PTPRD: variants seen among roughly 807,000 people sequenced by gnomAD.
PTPRD encodes protein tyrosine phosphatase receptor type D.
In PTPRD, 34 loss-of-function variants were observed where a neutral mutation model predicts 214.5. That is an observed-to-expected ratio of 0.16 (90% CI 0.12 to 0.21). PTPRD has a LOEUF of 0.21. Ranked by LOEUF, PTPRD falls within the 10% of genes least tolerant of loss-of-function variation. The pLI, the probability that PTPRD is intolerant of heterozygous loss-of-function variation, is 1.00. For synonymous variants in PTPRD, 1,128 were observed against 845.7 expected (o/e 1.33, Z -5.79); for missense variants, 2,545 against 2,398.7 (o/e 1.06, Z -1.27).
At chr9:10,269,205 A>G (rs1330297677) in intron 3 of PTPRD, among the ~76,000 whole-genome samples, 1 of 152,242 alleles carries the variant, frequency 6.6e-6, no homozygotes, top group African/African-American at 2.4e-5. Flanking sequence ...GTTTAAAATA[A>G]CAACTCTTGT....
chr9:8,641,231 A>T (rs1200360479), intron 12 of PTPRD, among the ~76,000 whole-genome samples: 1 of 148,500 alleles, frequency 6.7e-6, no homozygotes, highest in Non-Finnish European at 1.5e-5. Flanking sequence ...ACAACATAGG[A>T]CAGACTAAGA....
intron 9 of PTPRD, among the ~76,000 whole-genome samples, chr9:9,232,117 T>C (rs1415717314): frequency 6.6e-6 from 1 of 152,180 alleles, no homozygotes; most frequent in Non-Finnish European, 1.5e-5. Flanking sequence ...CTGTGTAGAA[T>C]AAATAAGTTG....
At chr9:8,718,217 C>G (rs1012188477) in intron 12 of PTPRD, among the ~76,000 whole-genome samples, 4 of 152,168 alleles carry the variant, frequency 2.6e-5, no homozygotes, top group Non-Finnish European at 5.9e-5. Flanking sequence ...AAAAAGCAAT[C>G]TAGTGGCCTG....
intron 9 of PTPRD, among the ~76,000 whole-genome samples, chr9:9,190,715 T>C (rs1333716086): frequency 6.6e-5 from 10 of 152,054 alleles, no homozygotes; most frequent in South Asian, 6.2e-4. Context: ...AATTATCCAG[T>C]CTCAGGTATT....
At chr9:10,098,577 A>T (rs2098518742) in intron 3 of PTPRD, among the ~76,000 whole-genome samples, 1 of 151,836 alleles carries the variant, frequency 6.6e-6, no homozygotes, top group African/African-American at 2.4e-5. Flanking sequence ...CAGTGGAAAG[A>T]GGTAGAGGTA....
chr9:8,851,453 C>G (rs1267653163), intron 11 of PTPRD, among the ~76,000 whole-genome samples: 1 of 152,094 alleles, frequency 6.6e-6, no homozygotes, highest in African/African-American at 2.4e-5. Flanking sequence ...ATGTGCTAAG[C>G]AGAAAAAGAG....
chr9:9,063,981 A>C (rs2099716521), intron 10 of PTPRD, among the ~76,000 whole-genome samples: 1 of 152,130 alleles, frequency 6.6e-6, no homozygotes, highest in Non-Finnish European at 1.5e-5. Flanking sequence ...TATTACTTTT[A>C]TTTACTGTGG....
intron 2 of PTPRD, among the ~76,000 whole-genome samples, chr9:10,555,780 A>T (rs957074268): frequency 2.6e-5 from 4 of 152,232 alleles, no homozygotes; most frequent in Non-Finnish European, 5.9e-5. Flanking sequence ...TCATCAGAAT[A>T]AACACTGCCA....
At chr9:10,376,943 T>G (rs2154480692) in intron 2 of PTPRD, among the ~76,000 whole-genome samples, 1 of 152,070 alleles carries the variant, frequency 6.6e-6, no homozygotes, top group South Asian at 2.1e-4. Context: ...AAATGTACAA[T>G]TAAATTGTTA....
rs111841764 is a variant in PTPRD, at chr9:9,739,628, TAA to T, written c.-325-5059_-325-5058del. Among the ~76,000 whole-genome samples, 186 of 150,606 alleles carry T rather than the reference TAA, an allele frequency of 1.2e-3. 1 individual carries two copies. Among genetic ancestry groups the T allele is most frequent in the African/African-American group, 4.1e-3 (171 of 41,456 alleles). On this transcript the variant is annotated intron_variant, in intron 6 of 45. Transcript: ENST00000381196. The stretch of plus-strand genomic sequence containing the variant: ...TCACTGTCACTTTCATCAGTTTATT[TAA>T]AAAAAAAAGCCAGTTGTGGTTTTGT...
At chr9:10,196,927 TGAA>T (rs1320260903) in intron 3 of PTPRD, among the ~76,000 whole-genome samples, 1 of 152,116 alleles carries the variant, frequency 6.6e-6, no homozygotes, top group African/African-American at 2.4e-5. Context: ...GAGGTTACAG[TGAA>T]GAAGATGGTC....
intron 9 of PTPRD, among the ~76,000 whole-genome samples, chr9:9,256,260 C>T (rs2099977652): frequency 6.6e-6 from 1 of 151,956 alleles, no homozygotes; most frequent in African/African-American, 2.4e-5. Flanking sequence ...GATCTCAAGG[C>T]TTTTAGCCTC....
At chr9:9,408,760 T>G (rs2074401093) in intron 8 of PTPRD, among the ~76,000 whole-genome samples, 1 of 151,872 alleles carries the variant, frequency 6.6e-6, no homozygotes, top group African/African-American at 2.4e-5. Flanking sequence ...AAAATAACAA[T>G]TGTGAAGATT....
At chr9:10,182,736 G>T (rs1039309725) in intron 3 of PTPRD, among the ~76,000 whole-genome samples, 2 of 152,152 alleles carry the variant, frequency 1.3e-5, no homozygotes, top group Non-Finnish European at 2.9e-5. Flanking sequence ...GTTATAAATA[G>T]AGAGGCAGTT....
At chr9:10,393,462 G>C (rs2098110977) in intron 2 of PTPRD, among the ~76,000 whole-genome samples, 1 of 151,350 alleles carries the variant, frequency 6.6e-6, no homozygotes, top group Non-Finnish European at 1.5e-5. Flanking sequence ...TTGATTTCAA[G>C]AAACATGCAA....
chr9:8,372,596 T>C (rs1030048224), intron 39 of PTPRD, among the ~76,000 whole-genome samples: 2 of 152,008 alleles, frequency 1.3e-5, no homozygotes, highest in Non-Finnish European at 2.9e-5. Context: ...CTATGCTCTG[T>C]ATGAACTGAT....
chr9:9,824,070 AAAT>A (rs1224082478), intron 5 of PTPRD, among the ~76,000 whole-genome samples: 2 of 152,014 alleles, frequency 1.3e-5, no homozygotes, highest in African/African-American at 2.4e-5. Context: ...AAATTATTAA[AAAT>A]ATTATATAAA....
chr9:9,869,528 G>T (rs2064893260), intron 5 of PTPRD, among the ~76,000 whole-genome samples: 1 of 152,004 alleles, frequency 6.6e-6, no homozygotes, highest in Non-Finnish European at 1.5e-5. Context: ...CCCACATTCA[G>T]ATTGTATCTG....
At chr9:10,363,195 T>C (rs934028559) in intron 2 of PTPRD, among the ~76,000 whole-genome samples, 1 of 152,204 alleles carries the variant, frequency 6.6e-6, no homozygotes, top group Non-Finnish European at 1.5e-5. Flanking sequence ...AGATTATGAT[T>C]TGGAGGTTCT....
Sources: allele counts gnomAD v4.1 joint callset (sites outside exome capture counted in the v4.1 genomes callset), GRCh38; gene constraint gnomAD v4.1.1; transcripts MANE v1.5; gene names NCBI Gene and HGNC (gene_info 2026-07-23, HGNC 2026-07-21).